The following SLC35D4 variants were observed in gnomAD, a reference collection of about 807,000 sequenced individuals.
SLC35D4 encodes the protein solute carrier family 35 member D4, also known as UDP-N-acetylglucosamine transporter SLC35D4.
chr18:23,285,789 C>G, the SLC35D4 span, among the ~76,000 whole-genome samples: 1 of 152,166 alleles, frequency 6.6e-6, no homozygotes, highest in African/African-American at 2.4e-5. Flanking sequence ...CTCCTCACAC[C>G]GGGTCCGGCT....
chr18:23,253,558 A>C, the SLC35D4 span, among the ~76,000 whole-genome samples: 1 of 152,334 alleles, frequency 6.6e-6, no homozygotes, highest in South Asian at 2.1e-4. Flanking sequence ...CAGCTATGTA[A>C]ATCTGCTCCC....
At chr18:23,368,487 C>G in the SLC35D4 span, among the ~76,000 whole-genome samples, 488 of 152,248 alleles carry the variant, frequency 3.2e-3, 5 homozygotes, top group African/African-American at 0.011. Context: ...TGCCACGTCC[C>G]GGAGAAGGGA....
the SLC35D4 span, chr18:23,259,103 G>T: frequency 6.6e-6 from 1 of 152,184 alleles, no homozygotes; most frequent in Admixed American, 6.5e-5. Context: ...AAGCAAAATT[G>T]AGAAAATATT....
chr18:23,285,123 C>T, the SLC35D4 span, among the ~76,000 whole-genome samples: 6 of 152,198 alleles, frequency 3.9e-5, no homozygotes, highest in Non-Finnish European at 7.3e-5. Context: ...GGAGCCCTGA[C>T]CTCTTATCTC....
the SLC35D4 span, among the ~76,000 whole-genome samples, chr18:23,350,977 GAC>G: frequency 6.6e-6 from 1 of 152,152 alleles, no homozygotes; most frequent in Non-Finnish European, 1.5e-5. Context: ...GGATGTTTTT[GAC>G]AGTTTTCTTC....
the SLC35D4 span, chr18:23,258,340 A>G: frequency 6.6e-6 from 1 of 152,578 alleles, no homozygotes. Flanking sequence ...AAAGTGTTTT[A>G]TAAAAACCCA....
the SLC35D4 span, among the ~76,000 whole-genome samples, chr18:23,263,822 TTCA>T: frequency 1.3e-5 from 2 of 152,212 alleles, no homozygotes; most frequent in Admixed American, 6.5e-5. Context: ...TCTGAGACTA[TTCA>T]TGTCTCAGCC....
the SLC35D4 span, among the ~76,000 whole-genome samples, chr18:23,327,708 G>A: frequency 6.6e-6 from 1 of 152,054 alleles, no homozygotes; most frequent in Admixed American, 6.5e-5. Context: ...ATTTTATGAG[G>A]GCAGCATCAT....
chr18:23,419,580 T>C, the SLC35D4 span, among the ~76,000 whole-genome samples: 1 of 152,138 alleles, frequency 6.6e-6, no homozygotes. Context: ...GCATGAGCAC[T>C]GTGCCTGGCC....
the SLC35D4 span, among the ~76,000 whole-genome samples, chr18:23,404,224 A>G: frequency 6.6e-6 from 1 of 152,240 alleles, no homozygotes; most frequent in South Asian, 2.1e-4. Context: ...CTTTGTCACA[A>G]ACCTATTCTT....
the SLC35D4 span, among the ~76,000 whole-genome samples, chr18:23,414,106 T>G: frequency 6.6e-6 from 1 of 150,738 alleles, no homozygotes; most frequent in Admixed American, 6.6e-5. Context: ...AATACAAAAA[T>G]TAGCCGGGCA....
At chr18:23,260,648 G>T in the SLC35D4 span, among the ~76,000 whole-genome samples, 1 of 151,958 alleles carries the variant, frequency 6.6e-6, no homozygotes, top group African/African-American at 2.4e-5. Flanking sequence ...GTGCATTTGA[G>T]CCAGGTGGTT....
the SLC35D4 span, among the ~76,000 whole-genome samples, chr18:23,275,510 A>G: frequency 9.8e-5 from 15 of 152,286 alleles, no homozygotes; most frequent in African/African-American, 3.1e-4. Flanking sequence ...GGGCTTCGCG[A>G]GAACAAGCTG....
chr18:23,354,934 C>G, the SLC35D4 span, among the ~76,000 whole-genome samples: 1 of 152,164 alleles, frequency 6.6e-6, no homozygotes, highest in Non-Finnish European at 1.5e-5. Context: ...GGAGGCAGAT[C>G]TGAAAAGCAG....
the SLC35D4 span, among the ~76,000 whole-genome samples, chr18:23,391,080 G>C: frequency 2.0e-5 from 3 of 152,032 alleles, no homozygotes; most frequent in Non-Finnish European, 4.4e-5. Flanking sequence ...GCAAAAATTA[G>C]CCAGGCATGG....
the SLC35D4 span, chr18:23,252,985 C>G: frequency 1.1e-5 from 17 of 1,613,008 alleles, no homozygotes; most frequent in African/African-American, 6.7e-5. Context: ...TACGTGAAGC[C>G]CTCGGATCTC....
At chr18:23,427,278 C>T in the SLC35D4 span, among the ~76,000 whole-genome samples, 1,030 of 152,200 alleles carry the variant, frequency 6.8e-3, 10 homozygotes, top group African/African-American at 0.023. Flanking sequence ...ATCTGACAAA[C>T]GGCTAATATC....
the SLC35D4 span, among the ~76,000 whole-genome samples, chr18:23,319,582 C>T: frequency 1.1e-4 from 17 of 152,032 alleles, no homozygotes; most frequent in Middle Eastern, 3.2e-3. Context: ...GGATTACAGG[C>T]GTGCGCCACC....
At chr18:23,385,350 G>A in the SLC35D4 span, among the ~76,000 whole-genome samples, 1 of 152,212 alleles carries the variant, frequency 6.6e-6, no homozygotes, top group Non-Finnish European at 1.5e-5. Context: ...CCCATGACAA[G>A]GTAAACATGC....
Sources: allele counts gnomAD v4.1 joint callset (sites outside exome capture counted in the v4.1 genomes callset), GRCh38; gene constraint gnomAD v4.1.1; transcripts MANE v1.5; gene names NCBI Gene and HGNC (gene_info 2026-07-23, HGNC 2026-07-21).